Variants in PCDHGB1 observed in about 807,000 individuals in gnomAD.
PCDHGB1 encodes the protein protocadherin gamma-B1.
A neutral mutation model predicts 56.6 loss-of-function variants in PCDHGB1; 34 were observed. The ratio of observed to expected loss-of-function variants is 0.60; its 90% CI spans 0.46 to 0.80. PCDHGB1 has a LOEUF of 0.80. Ranked by LOEUF, PCDHGB1 falls within the 30% of genes least tolerant of loss-of-function variation. PCDHGB1 has a pLI of 0.00. For synonymous variants in PCDHGB1, 561 were observed against 505.9 expected, an observed-to-expected ratio of 1.11 and a Z score of -1.46; for missense variants, 1,278 against 1,204.6, an observed-to-expected ratio of 1.06 and a Z score of -0.90.
chr5:141,487,013 C>T lies in PCDHGB1; in HGVS notation c.2410-7794C>T. ...GGTTTCCTATCAGCTCCTGGAGGCC[C>T]CAGATCCCAGCCTGTTTGCAGTCTC... On this transcript the variant is annotated intron_variant, in intron 1 of 3. Coordinates refer to ENST00000523390, the MANE Select transcript of PCDHGB1 (RefSeq NM_018922.3). The surrounding 1 kb of genome is among the most constrained non-coding windows in gnomAD (Gnocchi z 5.0). The T allele has an allele frequency of 1.2e-6, 2 of 1,614,220 alleles. No individual in the cohort carries two copies. Among genetic ancestry groups the T allele is most frequent in the Non-Finnish European group, 1.7e-6 (2 of 1,180,040 alleles).
At chr5:141,361,030 G>A in intron 1 of PCDHGB1, 1 of 1,613,328 alleles carries the variant, frequency 6.2e-7, no homozygotes, top group Non-Finnish European at 8.5e-7. Context: ...TGAAAAAACA[G>A]GAGAAATCAC....
At position 141,432,476 on chromosome 5, in the gene PCDHGB1, A is replaced by T. The variant is rs778378071; in HGVS notation, c.2410-62331A>T. On this transcript the variant is annotated intron_variant, in intron 1 of 3. Transcript: ENST00000523390. This position sits in a 1 kb window ranked among gnomAD's most constrained non-coding sequence, Gnocchi z 6.0. ...CCCCGCCCTCCCCACGGACGGTTCC[A>T]CTGGCGTGGAGCTGGCTCCCCGCTC... 4.6e-5 allele frequency: 75 copies of T among 1,613,962 alleles called. No homozygotes were observed. In the South Asian group the frequency reaches 7.9e-4, roughly 17 times the overall value.
chr5:141,371,438 C>T (rs1441229232), intron 1 of PCDHGB1: 3 of 1,613,764 alleles, frequency 1.9e-6, no homozygotes, highest in African/African-American at 1.3e-5. Flanking sequence ...CGGAGATAAC[C>T]CTGGCTTCTG....
chr5:141,364,856 C>G (rs748996283), intron 1 of PCDHGB1: 1 of 1,614,006 alleles, frequency 6.2e-7, no homozygotes, highest in Non-Finnish European at 8.5e-7. Flanking sequence ...CAGCTCCAAT[C>G]TGCACTTCTC....
chr5:141,404,992 C>G (rs2094593837), intron 1 of PCDHGB1: 5 of 1,613,876 alleles, frequency 3.1e-6, no homozygotes, highest in Admixed American at 3.3e-5. Context: ...GTCTTCAGAT[C>G]CCTGCAGACC....
intron 1 of PCDHGB1, among the ~76,000 whole-genome samples, chr5:141,456,124 C>G (rs2098844023): frequency 6.6e-6 from 1 of 152,072 alleles, no homozygotes. Context: ...GTCTCCATCT[C>G]CTGACCTCCT....
intron 1 of PCDHGB1, chr5:141,403,862 G>A (rs1370445288): frequency 1.2e-6 from 2 of 1,613,508 alleles, no homozygotes; most frequent in East Asian, 2.2e-5. Flanking sequence ...AATATCAACA[G>A]CAAAAAGTCT....
intron 2 of PCDHGB1, among the ~76,000 whole-genome samples, chr5:141,499,297 T>A (rs1449576891): frequency 1.3e-5 from 2 of 152,036 alleles, no homozygotes; most frequent in Non-Finnish European, 2.9e-5. Flanking sequence ...CACACTACCA[T>A]CCCTCCTCTG....
In PCDHGB1 at chr5:141,382,776, A is replaced by G. The variant is rs572614689; in HGVS notation, c.2409+30107A>G. 9.9e-6 allele frequency: 8 copies of G among 809,846 alleles called. No individual in the cohort carries two copies. The Admixed American group carries it at 2.0e-4, about 21-fold the overall frequency. 50.2% of individuals were successfully genotyped at this position (809,846 alleles called of 1,614,324 possible). The stretch of plus-strand genomic sequence containing the variant: ...TAAGCCCTCTTCCAGGCTGCACTAA[A>G]CTCAAGCCTCTATCCTGCTGGATTC... On this transcript the variant is annotated intron_variant, in intron 1 of 3. Transcript: ENST00000523390.
Position 141,372,600 on chromosome 5 carries a change from G to C in PCDHGB1, c.2409+19931G>C, listed in dbSNP as rs770114948. ...TCAGCCTGGTGTCTGCTTCAAGACT[G>C]TACCTGGAGTTCTCCCCACCTACAG... On this transcript the variant is annotated intron_variant, in intron 1 of 3. Coordinates refer to ENST00000523390, the MANE Select transcript of PCDHGB1 (RefSeq NM_018922.3). 15 of 1,613,886 alleles carry C rather than the reference G, an allele frequency of 9.3e-6. No homozygotes were observed. Among genetic ancestry groups the C allele is most frequent in the South Asian group, 2.2e-5 (2 of 91,088 alleles).
chr5:141,475,213 G>C (rs1359120020), intron 1 of PCDHGB1, among the ~76,000 whole-genome samples: 2 of 152,170 alleles, frequency 1.3e-5, no homozygotes, highest in African/African-American at 4.8e-5. Context: ...GAAAAGGATT[G>C]ATCAAGTAAA....
At chr5:141,495,810 C>A (rs1003475681) in intron 2 of PCDHGB1, among the ~76,000 whole-genome samples, 2 of 152,088 alleles carry the variant, frequency 1.3e-5, no homozygotes, top group African/African-American at 4.8e-5. Flanking sequence ...CGTTTCCTAG[C>A]GCCTTGTGTT....
At chr5:141,364,576 C>T (rs1420937059) in intron 1 of PCDHGB1, 1 of 1,614,210 alleles carries the variant, frequency 6.2e-7, no homozygotes. Flanking sequence ...CGCGAAGCGG[C>T]AGCTTGGTCA....
intron 1 of PCDHGB1, chr5:141,367,611 T>C (rs868477052): frequency 2.4e-4 from 36 of 152,038 alleles, no homozygotes; most frequent in African/African-American, 8.5e-4. Flanking sequence ...AATGATAACA[T>C]GTAGCATTCT....
chr5:141,463,438 CTTTTTTTTTTT>C (rs71576115), intron 1 of PCDHGB1, among the ~76,000 whole-genome samples: 7 of 103,256 alleles, frequency 6.8e-5, no homozygotes, highest in African/African-American at 1.8e-4. Flanking sequence ...TTTCCTTCTC[CTTTTTTTTTTT>C]TTTTTTTTTT....
chr5:141,371,567 C>T (rs1767853623), intron 1 of PCDHGB1: 4 of 1,613,906 alleles, frequency 2.5e-6, no homozygotes, highest in Non-Finnish European at 3.4e-6. Flanking sequence ...GAAACTTCCC[C>T]TTTAAAATCG....
Position 141,503,989 on chromosome 5 carries a change from C to T in PCDHGB1, c.2469-1404C>T, listed in dbSNP as rs534696225. Among the ~76,000 whole-genome samples the T allele has an allele frequency of 2.6e-5, 4 of 152,312 alleles. No individual in the cohort carries two copies. The South Asian group carries it at 8.3e-4, about 32-fold the overall frequency. On this transcript the variant is annotated intron_variant, in intron 2 of 3. Transcript: ENST00000523390. ...CATGGTGCCAAACCCTTCTTCTTAC[C>T]TTACAGTCACTTAACTGTCTCTGCT...
intron 1 of PCDHGB1, chr5:141,356,192 G>A: frequency 6.2e-7 from 1 of 1,610,042 alleles, no homozygotes; most frequent in Non-Finnish European, 8.5e-7. Context: ...CGAGCTAGAA[G>A]CAAGGTACTG....
intron 1 of PCDHGB1, chr5:141,409,621 A>G: frequency 6.2e-7 from 1 of 1,613,852 alleles, no homozygotes; most frequent in Non-Finnish European, 8.5e-7. Context: ...CCATTGCGCA[A>G]GTGAGCGCCT....
Sources: gnomAD v4.1 joint callset for allele counts (sites outside exome capture counted in the v4.1 genomes callset) on GRCh38, gnomAD v4.1.1 for gene constraint, Gnocchi (gnomAD v3.1) non-coding constraint, MANE v1.5 for transcripts, NCBI Gene and HGNC (gene_info 2026-07-23, HGNC 2026-07-21) for gene names.